AFG2A: variants seen among roughly 807,000 people sequenced by gnomAD.
AFG2A encodes ATPase family gene 2 protein homolog A.
At chr4:123,082,553 T>A in the AFG2A span, among the ~76,000 whole-genome samples, 4 of 146,950 alleles carry the variant, frequency 2.7e-5, no homozygotes, top group African/African-American at 9.8e-5. Context: ...ACTACCACAC[T>A]GTTTTGATTA....
chr4:123,241,791 GC>G, the AFG2A span, among the ~76,000 whole-genome samples: 16 of 152,166 alleles, frequency 1.1e-4, no homozygotes, highest in African/African-American at 3.4e-4. Flanking sequence ...GGGCAGTCAG[GC>G]AAGAGAAAGA....
At chr4:122,938,601 T>C in the AFG2A span, among the ~76,000 whole-genome samples, 1 of 152,208 alleles carries the variant, frequency 6.6e-6, no homozygotes, top group African/African-American at 2.4e-5. Context: ...TTTATTATTA[T>C]TGTTTTTGAG....
At chr4:123,041,571 G>T in the AFG2A span, among the ~76,000 whole-genome samples, 2 of 151,606 alleles carry the variant, frequency 1.3e-5, no homozygotes, top group African/African-American at 4.9e-5. Flanking sequence ...CGCTCTTGTT[G>T]TCTAGGCTGG....
the AFG2A span, among the ~76,000 whole-genome samples, chr4:123,118,457 T>C: frequency 7.8e-4 from 117 of 150,916 alleles, no homozygotes; most frequent in African/African-American, 2.7e-3. Context: ...TAGCTCTGTT[T>C]CTTGCAGATC....
chr4:123,003,489 G>T, the AFG2A span, among the ~76,000 whole-genome samples: 8 of 152,218 alleles, frequency 5.3e-5, no homozygotes, highest in South Asian at 1.7e-3. Flanking sequence ...TTTTGGTGTG[G>T]ATGTCCTTTC....
At chr4:122,989,194 T>C in the AFG2A span, among the ~76,000 whole-genome samples, 1 of 152,218 alleles carries the variant, frequency 6.6e-6, no homozygotes, top group East Asian at 1.9e-4. Context: ...CTTGTGTTAT[T>C]GTCTGTGCAT....
At chr4:123,009,892 G>A in the AFG2A span, among the ~76,000 whole-genome samples, 1 of 151,848 alleles carries the variant, frequency 6.6e-6, no homozygotes, top group Non-Finnish European at 1.5e-5. Flanking sequence ...GGCCATTATG[G>A]TGCTTATATG....
chr4:123,040,948 CTG>C, the AFG2A span, among the ~76,000 whole-genome samples: 1 of 152,036 alleles, frequency 6.6e-6, no homozygotes. Context: ...ATCCAAAACA[CTG>C]TGCCAAGCAA....
At chr4:123,190,670 AAGG>A in the AFG2A span, among the ~76,000 whole-genome samples, 1 of 152,214 alleles carries the variant, frequency 6.6e-6, no homozygotes, top group Non-Finnish European at 1.5e-5. Context: ...ACTAAGACAG[AAGG>A]AGATTAGGTG....
chr4:123,305,993 C>T, the AFG2A span, among the ~76,000 whole-genome samples: 2 of 152,174 alleles, frequency 1.3e-5, no homozygotes, highest in African/African-American at 4.8e-5. Context: ...CCTTCTCATC[C>T]CGCGGAGTTG....
chr4:123,005,212 A>G, the AFG2A span, among the ~76,000 whole-genome samples: 3 of 152,064 alleles, frequency 2.0e-5, no homozygotes, highest in Non-Finnish European at 4.4e-5. Flanking sequence ...GTGCAATGGC[A>G]TGATCACAGC....
chr4:123,132,508 T>C, the AFG2A span, among the ~76,000 whole-genome samples: 2 of 151,496 alleles, frequency 1.3e-5, no homozygotes, highest in Non-Finnish European at 2.9e-5. Context: ...TGTGTGTGTA[T>C]ACATATATGT....
chr4:123,156,715 C>T, the AFG2A span, among the ~76,000 whole-genome samples: 3 of 146,726 alleles, frequency 2.0e-5, no homozygotes, highest in African/African-American at 5.0e-5. Context: ...TGTAAAACTT[C>T]TGCCCTCCAA....
the AFG2A span, among the ~76,000 whole-genome samples, chr4:123,069,212 G>T: frequency 2.0e-5 from 3 of 152,158 alleles, no homozygotes; most frequent in African/African-American, 7.2e-5. Context: ...TTTTGAAAAA[G>T]ACTGCTGCCA....
At chr4:123,173,340 G>GTTTTTTTTTTTTTTTTTTTTTTT in the AFG2A span, among the ~76,000 whole-genome samples, 1 of 70,272 alleles carries the variant, frequency 1.4e-5, no homozygotes, top group Non-Finnish European at 2.4e-5. Flanking sequence ...AAGTCCAATG[G>GTTTTTTTTTTTTTTTTTTTTTTT]TTTTTTTTTT....
the AFG2A span, among the ~76,000 whole-genome samples, chr4:122,924,817 C>T: frequency 3.0e-4 from 45 of 151,940 alleles, no homozygotes; most frequent in South Asian, 9.0e-3. Flanking sequence ...GGTCACAGAT[C>T]AGCACTTTTC....
the AFG2A span, among the ~76,000 whole-genome samples, chr4:123,297,790 C>T: frequency 5.9e-5 from 9 of 152,112 alleles, no homozygotes; most frequent in South Asian, 1.9e-3. Context: ...CGCTGAACAC[C>T]GTTTTTTGGA....
At chr4:123,046,896 CT>C in the AFG2A span, among the ~76,000 whole-genome samples, 1 of 152,130 alleles carries the variant, frequency 6.6e-6, no homozygotes, top group Non-Finnish European at 1.5e-5. Flanking sequence ...AAGTATTTGT[CT>C]TTTCTGTGCC....
At chr4:123,117,640 A>G in the AFG2A span, among the ~76,000 whole-genome samples, 1 of 151,880 alleles carries the variant, frequency 6.6e-6, no homozygotes, top group Non-Finnish European at 1.5e-5. Context: ...GTTGTCTGCC[A>G]TACTACCCAC....
Sources: gnomAD v4.1 joint callset for allele counts (sites outside exome capture counted in the v4.1 genomes callset) on GRCh38, gnomAD v4.1.1 for gene constraint, MANE v1.5 for transcripts, NCBI Gene and HGNC (gene_info 2026-07-23, HGNC 2026-07-21) for gene names.